BAZ2A: variants seen among roughly 807,000 people sequenced by gnomAD.
BAZ2A encodes bromodomain adjacent to zinc finger domain 2A.
In BAZ2A, 34 loss-of-function variants were observed where a neutral mutation model predicts 199.9. The ratio of observed to expected loss-of-function variants is 0.17; its 90% CI spans 0.13 to 0.23. The LOEUF (loss-of-function observed/expected upper bound fraction) is 0.23, where lower values mean the gene tolerates loss of function less well. BAZ2A is among the 10% of genes least tolerant of loss of function. BAZ2A has a pLI of 1.00. For synonymous variants in BAZ2A, 857 were observed against 883.9 expected (o/e 0.97, Z 0.54); for missense variants, 2,002 against 2,391.1 (o/e 0.84, Z 3.39).
chr12:56,610,433 C>A lies in BAZ2A; in HGVS notation c.1755G>T (p.Met585Ile). 6.2e-7 allele frequency: 1 copy of A among 1,613,842 alleles called. No homozygotes were observed. The highest frequency in any genetic ancestry group is 8.5e-7 in the Non-Finnish European group (1 of 1,179,850). ...TWYYGPCGKR[M>I]KQFPEVIKYL... ...CCTTGATCACTTCTGGAAATTGCTT[C>A]ATCCTCTTCCCACAGGGGCCATAAT... The change falls in exon 8 of 29, where the codon ATG becomes ATT. Residue 585 changes from methionine to isoleucine, a missense_variant. Physicochemically the swap from Met to Ile is conservative, Grantham distance 10. Transcript: ENST00000549884.
chr12:56,625,158 T>C (rs970377538), intron 1 of BAZ2A, among the ~76,000 whole-genome samples: 12 of 145,326 alleles, frequency 8.3e-5, no homozygotes, highest in East Asian at 2.0e-4. Context: ...GAATTTCTTT[T>C]TTTTTTTTTT....
intron 11 of BAZ2A, 143 bp from the exon 12 acceptor site, chr12:56,606,455 T>A: frequency 8.5e-7 from 1 of 1,179,664 alleles, no homozygotes; most frequent in Non-Finnish European, 1.2e-6. Flanking sequence ...TCTCTCACCC[T>A]AGAGATGCCC....
rs1393425123 is a variant in BAZ2A at position 56,604,297 on chromosome 12, G to C, written c.2964-6C>G. 1 of 1,605,066 alleles carries C rather than the reference G, an allele frequency of 6.2e-7. No individual in the cohort carries two copies. Among genetic ancestry groups the C allele is most frequent in the Non-Finnish European group, 8.5e-7 (1 of 1,175,132 alleles). ...CCAGAGTCTTGTCAATCTCACTGCA[G>C]GGGAATAGGGAATAGGATGAAGTGG... is the stretch of plus-strand genomic sequence containing the variant. On this transcript the variant is annotated splice_region_variant and splice_polypyrimidine_tract_variant and intron_variant, in intron 15 of 28. Coordinates refer to ENST00000549884, the MANE Select transcript of BAZ2A (RefSeq NM_001300905.2).
At chr12:56,632,780 C>T (rs1951349955), upstream of BAZ2A, among the ~76,000 whole-genome samples, 1 of 152,146 alleles carries the variant, frequency 6.6e-6, no homozygotes, top group Non-Finnish European at 1.5e-5. Context: ...CAGGATCTTC[C>T]TTGCTCTGAG....
chr12:56,619,934 A>G (rs1950859581), intron 1 of BAZ2A, among the ~76,000 whole-genome samples: 1 of 152,148 alleles, frequency 6.6e-6, no homozygotes. Context: ...ACTTGAGCCC[A>G]AAAGTGCAAG....
intron 10 of BAZ2A, among the ~76,000 whole-genome samples, chr12:56,607,530 C>T (rs910531730): frequency 1.3e-5 from 2 of 152,120 alleles, no homozygotes; most frequent in African/African-American, 4.8e-5. Context: ...TGCCACCACG[C>T]CCAGTTAATT....
Position 56,615,491 on chromosome 12 carries a change from C to T in BAZ2A, c.253G>A (p.Val85Met), listed in dbSNP as rs367587824. ...SSTSHLHHPSVAYDCLWNYSQ... is the reference protein window; with the variant it reads ...SSTSHLHHPSMAYDCLWNYSQ... Reference sequence around the variant, plus strand: ...TAGTTCCAGAGACAGTCGTAGGCCACGCTGGGGTGATGGAGGTGTGAGGTG... The same window carrying T: ...TAGTTCCAGAGACAGTCGTAGGCCATGCTGGGGTGATGGAGGTGTGAGGTG... Residue 85 changes from valine to methionine, a missense_variant, in exon 3 of 29, where the codon GTG becomes ATG. Val to Met is a conservative substitution (Grantham distance 21). Around this residue, in one of 6 missense-constraint regions of BAZ2A, gnomAD observed 641 missense variants for 694.5 expected, o/e 0.92. Transcript: ENST00000549884. The T allele has an allele frequency of 2.5e-6, 4 of 1,613,156 alleles. No individual in the cohort carries two copies. The highest frequency in any genetic ancestry group is 1.6e-4 in the Middle Eastern group (1 of 6,082).
intron 26 of BAZ2A, 117 bp downstream of exon 26, chr12:56,599,585 G>A: frequency 6.9e-7 from 1 of 1,446,020 alleles, no homozygotes; most frequent in South Asian, 1.4e-5. Context: ...GTCCAAAAAA[G>A]GACTTAGAAC....
chr12:56,614,966 C>A, intron 3 of BAZ2A, 48 bp downstream of exon 3: 1 of 1,537,648 alleles, frequency 6.5e-7, no homozygotes, highest in Non-Finnish European at 8.8e-7. Flanking sequence ...CTATCCCCCC[C>A]GAGCTCCATT....
chr12:56,633,096 G>C (rs990454647), upstream of BAZ2A, among the ~76,000 whole-genome samples: 12 of 152,104 alleles, frequency 7.9e-5, no homozygotes, highest in African/African-American at 2.9e-4. Flanking sequence ...CAGGCCAGTG[G>C]ACTAGTCATG....
At position 56,601,442 on chromosome 12, in the gene BAZ2A, CAT is replaced by C. The variant is rs750675888; in HGVS notation, c.4072-42_4072-41del. ...AGACATAAGGAAATGAGGATGTTTTCATGTTTATAGGTTCCCTCAACTTCAGG... is the reference window on the plus strand; with the variant it reads ...AGACATAAGGAAATGAGGATGTTTTCGTTTATAGGTTCCCTCAACTTCAGG... On this transcript the variant is annotated intron_variant, in intron 20 of 28. Coordinates refer to ENST00000549884, the MANE Select transcript of BAZ2A (RefSeq NM_001300905.2). The C allele has an allele frequency of 6.3e-6, 10 of 1,597,366 alleles. No individual in the cohort carries two copies. In the Admixed American group the frequency reaches 1.8e-4, roughly 28 times the overall value.
chr12:56,630,139 T>C lies in BAZ2A; in HGVS notation c.-17A>G. On this transcript the variant is annotated 5_prime_UTR_variant, in exon 1 of 29. Coordinates refer to ENST00000549884, the MANE Select transcript of BAZ2A (RefSeq NM_001300905.2). ...ACCCCACAAACCTGAGGCAGCGGCGTCCAGCCGGGCTCGGGGCTCGTCTCT... is the reference window on the plus strand; with the variant it reads ...ACCCCACAAACCTGAGGCAGCGGCGCCCAGCCGGGCTCGGGGCTCGTCTCT... The C allele has an allele frequency of 1.0e-6, 1 of 985,462 alleles. No homozygotes were observed. The highest frequency in any genetic ancestry group is 4.7e-5 in the South Asian group (1 of 21,294). 61.0% of individuals were successfully genotyped at this position (985,462 alleles called of 1,614,324 possible). A position where few individuals can be genotyped will look rare whatever the true frequency, so the allele number is the denominator to read the frequency against.
chr12:56,610,085 A>G (rs1950510945), intron 9 of BAZ2A, 29 bp downstream of exon 9: 1 of 1,611,152 alleles, frequency 6.2e-7, no homozygotes, highest in African/African-American at 1.3e-5. Context: ...CCTCAGGGAC[A>G]AAAGCATATT....
rs989856689 is a variant in BAZ2A at position 56,601,768 on chromosome 12, G to A, written c.3849C>T (p.Ser1283=). 1.2e-6 allele frequency: 2 copies of A among 1,613,878 alleles called. No individual in the cohort carries two copies. Among genetic ancestry groups the A allele is most frequent in the African/African-American group, 2.7e-5 (2 of 74,930 alleles). The change falls in exon 20 of 29, where the codon AGC becomes AGT. Residue 1283 remains serine (S), a synonymous_variant. Coordinates refer to ENST00000549884, the MANE Select transcript of BAZ2A (RefSeq NM_001300905.2). ...QTQSHSSLLS[S]SVLTPDSSPG... is the part of the protein sequence containing the mutation. ...GACTGCTATCAGGTGTGAGGACTGA[G>A]CTGCTCAACAGGGAGCTATGGCTCT...
Position 56,599,697 on chromosome 12 carries a change from C to CCA in BAZ2A, c.5172+4_5172+5insTG, listed in dbSNP as rs1886240003. 3.7e-6 allele frequency: 6 copies of CCA among 1,613,246 alleles called. No homozygotes were observed. Among genetic ancestry groups the CCA allele is most frequent in the Non-Finnish European group, 5.1e-6 (6 of 1,179,890 alleles). On this transcript the variant is annotated splice_donor_region_variant and intron_variant, in intron 26 of 28. Coordinates refer to ENST00000549884, the MANE Select transcript of BAZ2A (RefSeq NM_001300905.2). ...AGTGTGGGAAAGAAAGAGCAGAAGC[C>CCA]TTACCTGAGCCAAACAGACAGTACA...
At position 56,600,317 on chromosome 12, in the gene BAZ2A, T is replaced by C. The variant is rs1171206219; in HGVS notation, c.4776A>G (p.Glu1592=). ...GCAGGTACCGCCGTTCTACATTCTG[T>C]TCCAGGGCAGCCAGCCGCATCACAG... is the stretch of plus-strand genomic sequence containing the variant. ...DLAVMRLAAL[E]QNVERRYLRE... Residue 1592 remains glutamate (E), a synonymous_variant, in exon 24 of 29, where the codon GAA becomes GAG. Coordinates refer to ENST00000549884, the MANE Select transcript of BAZ2A (RefSeq NM_001300905.2). 1 of 1,613,958 alleles carries C rather than the reference T, an allele frequency of 6.2e-7. No homozygotes were observed. The highest frequency in any genetic ancestry group is 2.2e-5 in the East Asian group (1 of 44,872).
At position 56,595,788 on chromosome 12, in the gene BAZ2A, C is replaced by T. The variant is rs1227117605; in HGVS notation, c.*2830G>A. 1 of 152,592 alleles carries T rather than the reference C, an allele frequency of 6.6e-6. No individual in the cohort carries two copies. Among genetic ancestry groups the T allele is most frequent in the Admixed American group, 6.6e-5 (1 of 15,266 alleles). 9.5% of individuals were successfully genotyped at this position (152,592 alleles called of 1,614,324 possible). On this transcript the variant is annotated 3_prime_UTR_variant, in exon 29 of 29. Transcript: ENST00000549884. Reference sequence around the variant, plus strand: ...ACATTTAGGCAGGAGCACTAATGACCCTTTCCATCCACACAGAGGGTATGG... The same window carrying T: ...ACATTTAGGCAGGAGCACTAATGACTCTTTCCATCCACACAGAGGGTATGG...
chr12:56,617,597 T>G, intron 1 of BAZ2A, 65 bp from the exon 2 acceptor site: 1 of 1,500,288 alleles, frequency 6.7e-7, no homozygotes, highest in Non-Finnish European at 9.0e-7. Context: ...TCACCTGGAA[T>G]CTTCCAGGGG....
At chr12:56,636,177 C>T (rs1328642776) in intron 1 of BAZ2A, 3 of 1,594,852 alleles carry the variant, frequency 1.9e-6, no homozygotes, top group African/African-American at 1.3e-5. Flanking sequence ...GGTCCCCATA[C>T]TCACCCATGT....
Sources: allele counts gnomAD v4.1 joint callset (sites outside exome capture counted in the v4.1 genomes callset), GRCh38; gene constraint gnomAD v4.1.1; regional missense constraint gnomAD v4.1.1; transcripts MANE v1.5; gene names NCBI Gene and HGNC (gene_info 2026-07-23, HGNC 2026-07-21).